Variants in GXYLT1 observed in about 807,000 individuals in gnomAD.
The protein encoded by GXYLT1 is glucoside xylosyltransferase 1, also known as glycosyltransferase 8 domain containing 3.
Under a neutral mutation model 54.0 loss-of-function variants are expected in GXYLT1, and 29 were observed. The observed-to-expected ratio is 0.54, with a 90% CI of 0.40 to 0.73. The LOEUF is 0.73. Ranked by LOEUF, GXYLT1 falls within the 30% of genes least tolerant of loss-of-function variation. GXYLT1 has a pLI of 0.00. For synonymous variants in GXYLT1, 176 were observed against 204.1 expected (o/e 0.86, Z 1.17); for missense variants, 490 against 553.4 (o/e 0.89, Z 1.15).
intron 2 of GXYLT1, among the ~76,000 whole-genome samples, chr12:42,128,172 G>A (rs1404645771): frequency 6.6e-6 from 1 of 152,158 alleles, no homozygotes; most frequent in Non-Finnish European, 1.5e-5. Context: ...GAAGGAATAA[G>A]TTCTCAAGAT....
intron 5 of GXYLT1, among the ~76,000 whole-genome samples, chr12:42,102,451 A>G (rs2065395639): frequency 6.6e-6 from 1 of 152,220 alleles, no homozygotes; most frequent in Admixed American, 6.5e-5. Flanking sequence ...TTAATGGCCT[A>G]GTTTCTAAAA....
At chr12:42,114,409 A>C (rs1467422373) in intron 3 of GXYLT1, among the ~76,000 whole-genome samples, 12 of 152,216 alleles carry the variant, frequency 7.9e-5, no homozygotes, top group Non-Finnish European at 2.9e-5. Context: ...GAAAAGAGAG[A>C]AGAATCAAAT....
Position 42,105,971 on chromosome 12 carries a change from A to C in GXYLT1, c.711T>G (p.Asn237Lys), listed in dbSNP as rs2065418054. 2 of 1,613,974 alleles carry C rather than the reference A, an allele frequency of 1.2e-6. No homozygotes were observed. Among genetic ancestry groups the C allele is most frequent in the South Asian group, 2.2e-5 (2 of 91,086 alleles). ...GTGCCATTGCAGCAATTTGTGTGGA[A>C]TTAAATTTCTTTAGTAAAGACCAAA... ...DDIWSLLKKF[N>K]STQIAAMAPE... The change falls in exon 5 of 8, where the codon AAT becomes AAG. Residue 237 changes from asparagine (N) to lysine (K), a missense_variant. Asn to Lys is a moderately conservative substitution (Grantham distance 94). Transcript: ENST00000398675.
chr12:42,130,548 A>T (rs1013233369), intron 1 of GXYLT1, among the ~76,000 whole-genome samples: 1 of 150,740 alleles, frequency 6.6e-6, no homozygotes, highest in Admixed American at 6.6e-5. Context: ...CAGTCACTAT[A>T]AAAAAAAACA....
chr12:42,128,397 T>G (rs927222666), intron 2 of GXYLT1, among the ~76,000 whole-genome samples: 2 of 152,292 alleles, frequency 1.3e-5, no homozygotes, highest in African/African-American at 4.8e-5. Context: ...AAAAATAAAT[T>G]TTTTAATTAA....
intron 5 of GXYLT1, among the ~76,000 whole-genome samples, chr12:42,103,317 C>T (rs1224958329): frequency 6.6e-6 from 1 of 152,102 alleles, no homozygotes; most frequent in Admixed American, 6.5e-5. Flanking sequence ...TGAACAGCCA[C>T]AAGTAGTAAG....
intron 2 of GXYLT1, 142 bp downstream of exon 2, chr12:42,129,617 G>C: frequency 5.8e-6 from 3 of 519,408 alleles, no homozygotes; most frequent in Non-Finnish European, 1.0e-5. Context: ...ACTACAAAAT[G>C]GGAAAAATAG....
At position 42,097,504 on chromosome 12, in the gene GXYLT1, T is replaced by C. The variant is rs1051424290; in HGVS notation, c.1099A>G (p.Arg367Gly). ...EGGIFILHGNRGVYHDDKQPA... is the reference protein window; with the variant it reads ...EGGIFILHGNGGVYHDDKQPA... ...TGCTTATCGTCATGGTAAACACCTCTGTTCCCATGAAGAATAAAGATTCCT... is the reference window on the plus strand; with the variant it reads ...TGCTTATCGTCATGGTAAACACCTCCGTTCCCATGAAGAATAAAGATTCCT... Residue 367 changes from arginine to glycine, a missense_variant, in exon 7 of 8, where the codon AGA becomes GGA. This residue lies in a region of GXYLT1 where 342 missense variants were observed against 342.6 expected (regional missense o/e 1.00). Transcript: ENST00000398675. 1.2e-6 allele frequency: 2 copies of C among 1,611,040 alleles called. No individual in the cohort carries two copies. Among genetic ancestry groups the C allele is most frequent in the Non-Finnish European group, 1.7e-6 (2 of 1,178,988 alleles).
chr12:42,111,047 A>G (rs1407177812), intron 3 of GXYLT1, among the ~76,000 whole-genome samples: 1 of 152,218 alleles, frequency 6.6e-6, no homozygotes, highest in Non-Finnish European at 1.5e-5. Flanking sequence ...TTACTTTTCT[A>G]TTATATTTTC....
At chr12:42,103,680 C>G (rs2065402961) in intron 5 of GXYLT1, among the ~76,000 whole-genome samples, 3 of 152,084 alleles carry the variant, frequency 2.0e-5, no homozygotes, top group Admixed American at 6.6e-5. Context: ...TGAGTATGTT[C>G]CCAAGGAGCA....
In GXYLT1 at chr12:42,082,054, A is replaced by G. The variant is rs968006805; in HGVS notation, c.*5732T>C. The stretch of plus-strand genomic sequence containing the variant: ...ACTTAGAGGAAAATATTCACAGTAT[A>G]CCAAAACATTTTAAGATAAAGAGCA... On this transcript the variant is annotated 3_prime_UTR_variant, in exon 8 of 8. Coordinates refer to ENST00000398675, the MANE Select transcript of GXYLT1 (RefSeq NM_173601.2). 6.6e-6 allele frequency: 1 copy of G among 152,208 alleles called. No homozygotes were observed. The highest frequency in any genetic ancestry group is 1.5e-5 in the Non-Finnish European group (1 of 68,030). The allele number at this position is 152,208 out of a possible 1,614,324, so 9.4% of individuals were successfully genotyped here. A position where few individuals can be genotyped will look rare whatever the true frequency, so the allele number is the denominator to read the frequency against.
chr12:42,096,390 C>T (rs1223357080), intron 7 of GXYLT1, among the ~76,000 whole-genome samples: 2 of 152,038 alleles, frequency 1.3e-5, no homozygotes, highest in Non-Finnish European at 2.9e-5. Flanking sequence ...GTGATGAGGA[C>T]ATGTCAAAGG....
chr12:42,109,466 T>G, intron 4 of GXYLT1, 100 bp downstream of exon 4: 2 of 754,598 alleles, frequency 2.7e-6, no homozygotes, highest in Non-Finnish European at 3.7e-6. Context: ...TTTAATTATT[T>G]AACTGGAATT....
At chr12:42,101,519 G>A (rs2065389824) in intron 5 of GXYLT1, among the ~76,000 whole-genome samples, 1 of 151,614 alleles carries the variant, frequency 6.6e-6, no homozygotes, top group African/African-American at 2.4e-5. Flanking sequence ...AGCTGAAGAT[G>A]TATAAAAGAA....
chr12:42,106,055 T>A lies in GXYLT1; in HGVS notation c.627A>T (p.Glu209Asp), dbSNP rs1184975770. 1.2e-6 allele frequency: 2 copies of A among 1,605,086 alleles called. No individual in the cohort carries two copies. The highest frequency in any genetic ancestry group is 4.5e-5 in the East Asian group (2 of 44,814). Residue 209 changes from glutamate (E) to aspartate (D), a missense_variant, in exon 5 of 8, where the codon GAA (glutamate) becomes GAT (aspartate). Coordinates refer to ENST00000398675, the MANE Select transcript of GXYLT1 (RefSeq NM_173601.2). ...QRLFLPLILK[E>D]VDSLLYVDTD... ...TGTCGACATACAATAGTGAGTCAAC[T>A]TCTTTCAGGATTAACTACAAGGAGA...
chr12:42,083,601 A>G lies in GXYLT1; in HGVS notation c.*4185T>C, dbSNP rs552735792. 2 of 150,308 alleles carry G rather than the reference A, an allele frequency of 1.3e-5. No homozygotes were observed. Among genetic ancestry groups the G allele is most frequent in the Non-Finnish European group, 3.0e-5 (2 of 67,574 alleles). 9.3% of individuals were successfully genotyped at this position (150,308 alleles called of 1,614,324 possible). A position where few individuals can be genotyped will look rare whatever the true frequency, so the allele number is the denominator to read the frequency against. On this transcript the variant is annotated 3_prime_UTR_variant, in exon 8 of 8. Coordinates refer to ENST00000398675, the MANE Select transcript of GXYLT1 (RefSeq NM_173601.2). ...ACTAAGGTATTTATTAAATACAAAT[A>G]TCTGAAAAATAAGACAGCCAATAAT...
intron 5 of GXYLT1, among the ~76,000 whole-genome samples, chr12:42,101,958 T>C (rs2065392656): frequency 1.3e-5 from 2 of 152,198 alleles, no homozygotes; most frequent in African/African-American, 4.8e-5. Context: ...TGTGAAGAGA[T>C]ATGTCAAGGG....
chr12:42,109,248 C>T (rs2136893259), intron 4 of GXYLT1, among the ~76,000 whole-genome samples: 1 of 152,284 alleles, frequency 6.6e-6, no homozygotes, highest in African/African-American at 2.4e-5. Flanking sequence ...CTGCTGGCAA[C>T]AGACTTGGCT....
intron 5 of GXYLT1, 114 bp from the exon 6 acceptor site, chr12:42,098,147 A>G (rs1425999869): frequency 2.2e-6 from 2 of 918,468 alleles, no homozygotes; most frequent in African/African-American, 3.3e-5. Context: ...AGAGAAATGC[A>G]AACTCCTCAC....
Sources: allele counts gnomAD v4.1 joint callset (sites outside exome capture counted in the v4.1 genomes callset), GRCh38; gene constraint gnomAD v4.1.1; regional missense constraint gnomAD v4.1.1; transcripts MANE v1.5; gene names NCBI Gene and HGNC (gene_info 2026-07-23, HGNC 2026-07-21).